SPEF2: variants seen among roughly 807,000 people sequenced by gnomAD.
The protein encoded by SPEF2 is sperm flagellar and cilia associated 2, also known as sperm flagella and cilia-associated protein 2.
A neutral mutation model predicts 224.6 loss-of-function variants in SPEF2; 187 were observed. That is an observed-to-expected ratio of 0.83 (90% CI 0.74 to 0.94). The LOEUF (loss-of-function observed/expected upper bound fraction) is 0.94. Among genes scored for constraint, SPEF2 ranks in the 40% least tolerant of loss-of-function variants. The pLI, the probability that SPEF2 is intolerant of heterozygous loss-of-function variation, is 0.00. For missense variants in SPEF2, 2,170 were observed against 2,135.6 expected (o/e 1.02, Z -0.32); for synonymous variants, 715 against 707.3 (o/e 1.01, Z -0.17).
At chr5:35,781,300 G>C (rs1427154385) in intron 30 of SPEF2, 2 of 152,190 alleles carry the variant, frequency 1.3e-5, no homozygotes. Flanking sequence ...TTATTCAAGT[G>C]CTCAAGAATG....
intron 24 of SPEF2, among the ~76,000 whole-genome samples, chr5:35,757,367 A>G (rs1363745986): frequency 2.0e-5 from 3 of 152,118 alleles, no homozygotes; most frequent in Admixed American, 6.5e-5. Flanking sequence ...AAGAAGCTCT[A>G]CTAAACCTAA....
intron 10 of SPEF2, among the ~76,000 whole-genome samples, chr5:35,680,812 C>G (rs1227283114): frequency 6.6e-6 from 1 of 152,168 alleles, no homozygotes; most frequent in Non-Finnish European, 1.5e-5. Flanking sequence ...GTATTTTCTC[C>G]ATGGCTTCAT....
chr5:35,659,341 C>T (rs1184986519), intron 8 of SPEF2, 134 bp downstream of exon 8: 2 of 818,570 alleles, frequency 2.4e-6, no homozygotes, highest in East Asian at 5.5e-5. Context: ...CTGTTATCTG[C>T]CCATTTTTAT....
intron 21 of SPEF2, among the ~76,000 whole-genome samples, chr5:35,728,664 T>C (rs944637639): frequency 1.4e-4 from 22 of 152,076 alleles, no homozygotes; most frequent in African/African-American, 5.3e-4. Context: ...TTGGCGAGGG[T>C]AGGAACATGG....
At chr5:35,664,222 C>G (rs1333781233) in intron 8 of SPEF2, among the ~76,000 whole-genome samples, 1 of 147,518 alleles carries the variant, frequency 6.8e-6, no homozygotes, top group Non-Finnish European at 1.5e-5. Context: ...GCCTATCCCA[C>G]TGGCATGTAA....
intron 1 of SPEF2, among the ~76,000 whole-genome samples, chr5:35,618,764 C>G (rs1019038012): frequency 6.6e-6 from 1 of 152,100 alleles, no homozygotes; most frequent in African/African-American, 2.4e-5. Flanking sequence ...CAGTTGCCAC[C>G]CAAAGTTTCC....
chr5:35,698,245 G>C (rs1398507019), intron 15 of SPEF2: 1 of 154,284 alleles, frequency 6.5e-6, no homozygotes, highest in Non-Finnish European at 1.4e-5. Flanking sequence ...AAGCAGAACT[G>C]AGTAGTGAGA....
In SPEF2 at chr5:35,712,823, G is replaced by A. The variant is rs746017681; in HGVS notation, c.2851G>A (p.Gly951Ser). The A allele has an allele frequency of 3.7e-6, 6 of 1,613,776 alleles. No individual in the cohort carries two copies. In the South Asian group the frequency reaches 6.6e-5, roughly 18 times the overall value. ...CGAATTTTGTTTAGAAGCCCCGCAT[G>A]GTAAGCAAGAATCTCTTCAGGAAGG... is the stretch of plus-strand genomic sequence containing the variant. ...KGKPQSEAPHGKQESLQEGKG... is the reference protein window; with the variant it reads ...KGKPQSEAPHSKQESLQEGKG... Residue 951 changes from glycine to serine, a missense_variant, in exon 20 of 37, where the codon GGT becomes AGT. Coordinates refer to ENST00000356031, the MANE Select transcript of SPEF2 (RefSeq NM_024867.4).
chr5:35,797,350 G>C (rs980621544), intron 33 of SPEF2, among the ~76,000 whole-genome samples: 1 of 151,862 alleles, frequency 6.6e-6, no homozygotes, highest in Non-Finnish European at 1.5e-5. Context: ...GTGTGTGTGT[G>C]TGTGTGTGTG....
intron 30 of SPEF2, chr5:35,789,899 A>G: frequency 2.8e-6 from 2 of 703,012 alleles, no homozygotes; most frequent in South Asian, 1.5e-5. Context: ...TGAATGGAGC[A>G]TGTTGAAATT....
chr5:35,705,497 T>C (rs761496110), intron 17 of SPEF2, among the ~76,000 whole-genome samples, 154 bp from the exon 18 acceptor site: 10 of 152,124 alleles, frequency 6.6e-5, no homozygotes, highest in Non-Finnish European at 1.5e-4. Flanking sequence ...AAGTAATTTC[T>C]TCTTTAATCT....
At chr5:35,737,262 G>C (rs1746774974) in intron 21 of SPEF2, among the ~76,000 whole-genome samples, 1 of 151,838 alleles carries the variant, frequency 6.6e-6, no homozygotes, top group African/African-American at 2.4e-5. Context: ...TATGCACAAT[G>C]TGCAGGTTTG....
chr5:35,779,705 T>A (rs992166391), intron 30 of SPEF2, among the ~76,000 whole-genome samples: 2 of 152,162 alleles, frequency 1.3e-5, no homozygotes, highest in Non-Finnish European at 2.9e-5. Flanking sequence ...AGATTATGAG[T>A]TTGTGTTTCT....
chr5:35,788,820 A>G, intron 30 of SPEF2: 1 of 702,986 alleles, frequency 1.4e-6, no homozygotes, highest in South Asian at 1.5e-5. Context: ...ATTCCTCTGT[A>G]CAATGATGTC....
chr5:35,766,657 C>G (rs1752132470), intron 26 of SPEF2, among the ~76,000 whole-genome samples: 1 of 151,456 alleles, frequency 6.6e-6, no homozygotes, highest in Admixed American at 6.6e-5. Flanking sequence ...TTCTTAATAT[C>G]ATATTTTCCT....
chr5:35,750,358 T>C (rs549338910), intron 23 of SPEF2, among the ~76,000 whole-genome samples: 1 of 152,128 alleles, frequency 6.6e-6, no homozygotes, highest in Non-Finnish European at 1.5e-5. Flanking sequence ...CACTGGGACC[T>C]AATTAAACCA....
intron 10 of SPEF2, among the ~76,000 whole-genome samples, chr5:35,673,875 T>C (rs1751526170): frequency 6.6e-6 from 1 of 152,208 alleles, no homozygotes; most frequent in South Asian, 2.1e-4. Flanking sequence ...AGCACATGTA[T>C]GGACACCTAT....
At chr5:35,812,238 G>A (rs1758590994) in intron 36 of SPEF2, among the ~76,000 whole-genome samples, 1 of 152,062 alleles carries the variant, frequency 6.6e-6, no homozygotes, top group African/African-American at 2.4e-5. Flanking sequence ...CTAATCTCTT[G>A]AACACATATG....
At chr5:35,801,491 T>A (rs2149856959) in intron 34 of SPEF2, among the ~76,000 whole-genome samples, 1 of 150,838 alleles carries the variant, frequency 6.6e-6, no homozygotes, top group Admixed American at 6.6e-5. Context: ...CCAGCCTCAG[T>A]GATAAAGCAA....
Sources: gnomAD v4.1 joint callset for allele counts (sites outside exome capture counted in the v4.1 genomes callset) on GRCh38, gnomAD v4.1.1 for gene constraint, MANE v1.5 for transcripts, NCBI Gene and HGNC (gene_info 2026-07-23, HGNC 2026-07-21) for gene names.